The following RAD51AP1 variants were observed in gnomAD, a reference collection of about 807,000 sequenced individuals.
RAD51AP1 encodes RAD51 associated protein 1, also known as RAD51-associated protein 1.
A neutral mutation model predicts 34.3 loss-of-function variants in RAD51AP1; 14 were observed. The ratio of observed to expected loss-of-function variants is 0.41; its 90% CI spans 0.27 to 0.64. The LOEUF (loss-of-function observed/expected upper bound fraction) is 0.64, where lower values mean the gene tolerates loss of function less well. RAD51AP1 is among the 30% of genes least tolerant of loss of function. The pLI is 0.33. For missense variants in RAD51AP1, 348 were observed against 386.9 expected (o/e 0.90, Z 0.84); for synonymous variants, 114 against 129.8 (o/e 0.88, Z 0.83).
In RAD51AP1 at chr12:4,553,106, A is replaced by G. The variant is rs770788102; in HGVS notation, c.680A>G (p.Glu227Gly). The change falls in exon 7 of 9, where the codon GAA (glutamate) becomes GGA (glycine). Residue 227 changes from glutamate to glycine, a missense_variant. By Grantham distance (98) the Glu-to-Gly change is moderately conservative (BLOSUM62 -2). Transcript: ENST00000352618. ...GAAGTGAAGGTAAAATCCCCAGTAGAAAAGAAAGAGAAGAAATCTAAATCC... is the reference window on the plus strand; with the variant it reads ...GAAGTGAAGGTAAAATCCCCAGTAGGAAAGAAAGAGAAGAAATCTAAATCC... The part of the protein sequence containing the change: ...KKEVKVKSPV[E>G]KKEKKSKSKC... The G allele has an allele frequency of 6.3e-7, 1 of 1,593,220 alleles. No individual in the cohort carries two copies. Among genetic ancestry groups the G allele is most frequent in the Non-Finnish European group, 8.5e-7 (1 of 1,170,628 alleles).
chr12:4,555,374 C>T (rs1458420977), intron 7 of RAD51AP1, among the ~76,000 whole-genome samples: 1 of 152,128 alleles, frequency 6.6e-6, no homozygotes, highest in African/African-American at 2.4e-5. Context: ...TATTCTCCAC[C>T]TTAGCAGGCC....
At chr12:4,553,638 C>CT (rs71984552) in intron 7 of RAD51AP1, among the ~76,000 whole-genome samples, 218 of 143,772 alleles carry the variant, frequency 1.5e-3, no homozygotes, top group South Asian at 3.6e-3. Context: ...GTTTAGGGCC[C>CT]TTTTTTTTTT....
At chr12:4,553,227 T>C in intron 7 of RAD51AP1, 80 bp downstream of exon 7, 2 of 1,250,374 alleles carry the variant, frequency 1.6e-6, no homozygotes, top group Non-Finnish European at 2.2e-6. Flanking sequence ...TTTTTGCCTT[T>C]GTTCTCTTTA....
rs61752091 is a variant in RAD51AP1 at position 4,553,054 on chromosome 12, A to T, written c.628A>T (p.Ser210Cys). 2.7e-4 allele frequency: 435 copies of T among 1,606,938 alleles called. 1 individual carries two copies. In the African/African-American group the frequency reaches 5.2e-3, roughly 19 times the overall value. ...TGACGAAGACTTCTCTATGAGAAAA[A>T]GTAAAGTTAAAGAAATTAAAAAGAA... ...DNDEDFSMRK[S>C]KVKEIKKKEV... The change falls in exon 7 of 9, where the codon AGT becomes TGT. Residue 210 changes from serine to cysteine, a missense_variant. Coordinates refer to ENST00000352618, the MANE Select transcript of RAD51AP1 (RefSeq NM_006479.5).
chr12:4,543,887 G>C lies in RAD51AP1; in HGVS notation c.192G>C (p.Glu64Asp). ...GGAAAGAAGAAATCCCAGTACAAGA[G>C]AAAACCCCTAAAAAAAGGTGAGAGG... Reference protein sequence around the residue: ...NLRKEEIPVQEKTPKKRMALD... With the variant: ...NLRKEEIPVQDKTPKKRMALD... Residue 64 changes from glutamate (E) to aspartate (D), a missense_variant, in exon 3 of 9, where the codon GAG becomes GAC. By Grantham distance (45) the Glu-to-Asp change is conservative. Transcript: ENST00000352618. 1 of 1,608,960 alleles carries C rather than the reference G, an allele frequency of 6.2e-7. No homozygotes were observed. Among genetic ancestry groups the C allele is most frequent in the Non-Finnish European group, 8.5e-7 (1 of 1,178,000 alleles).
At chr12:4,557,776 A>C (rs1944592556) in intron 8 of RAD51AP1, among the ~76,000 whole-genome samples, 1 of 152,206 alleles carries the variant, frequency 6.6e-6, no homozygotes, top group Non-Finnish European at 1.5e-5. Flanking sequence ...AATTGGGCCC[A>C]TGCAGTAGAC....
At chr12:4,555,986 G>A (rs1437542851) in intron 7 of RAD51AP1, among the ~76,000 whole-genome samples, 2 of 152,192 alleles carry the variant, frequency 1.3e-5, no homozygotes, top group African/African-American at 4.8e-5. Flanking sequence ...ACACTATTGT[G>A]TAATGGTTAG....
chr12:4,558,092 G>C (rs1944595253), intron 8 of RAD51AP1, among the ~76,000 whole-genome samples: 1 of 151,522 alleles, frequency 6.6e-6, no homozygotes, highest in Non-Finnish European at 1.5e-5. Flanking sequence ...AGACCACCAA[G>C]ACCCCAAAAG....
Position 4,556,322 on chromosome 12 carries a change from C to T in RAD51AP1, c.722-31C>T. The T allele has an allele frequency of 1.9e-6, 3 of 1,547,884 alleles. No individual in the cohort carries two copies. The East Asian group carries it at 6.7e-5, about 35-fold the overall frequency. On this transcript the variant is annotated intron_variant, in intron 7 of 8. Coordinates refer to ENST00000352618, the MANE Select transcript of RAD51AP1 (RefSeq NM_006479.5). ...AGACTTACTTTTTCTTCCTGCATGA[C>T]AAACATTTTTACGTATATTTTTCAA...
At chr12:4,549,556 C>CAT (rs1315944782) in intron 6 of RAD51AP1, among the ~76,000 whole-genome samples, 2 of 151,966 alleles carry the variant, frequency 1.3e-5, no homozygotes, top group Non-Finnish European at 2.9e-5. Flanking sequence ...GTGAAAAAAA[C>CAT]AAACAGCTCC....
intron 8 of RAD51AP1, 174 bp downstream of exon 8, chr12:4,556,676 C>G (rs552653953): frequency 1.5e-6 from 1 of 673,202 alleles, no homozygotes; most frequent in East Asian, 2.8e-5. Context: ...TATTATTGGA[C>G]ATCCAGGTTT....
At chr12:4,541,680 G>C (rs1202572175) in intron 1 of RAD51AP1, among the ~76,000 whole-genome samples, 1 of 151,924 alleles carries the variant, frequency 6.6e-6, no homozygotes, top group African/African-American at 2.4e-5. Flanking sequence ...ATGTTTTAGA[G>C]TTAAATATTC....
chr12:4,548,222 TTC>T, intron 5 of RAD51AP1, 44 bp downstream of exon 5: 1 of 1,574,562 alleles, frequency 6.4e-7, no homozygotes, highest in African/African-American at 1.4e-5. Flanking sequence ...ACAATGCTGT[TTC>T]TCTGACTTTT....
Position 4,558,903 on chromosome 12 carries a change from G to A in RAD51AP1, c.918G>A (p.Val306=), listed in dbSNP as rs1944601544. The A allele has an allele frequency of 6.2e-7, 1 of 1,614,026 alleles. No homozygotes were observed. The highest frequency in any genetic ancestry group is 1.3e-5 in the African/African-American group (1 of 74,936). Residue 306 remains valine (V), a synonymous_variant, in exon 9 of 9, where the codon GTG becomes GTA. Coordinates refer to ENST00000352618, the MANE Select transcript of RAD51AP1 (RefSeq NM_006479.5). ...SRSSSSPLVV[V]SVKSPNQSLR... Reference sequence around the variant, plus strand: ...GTAGCAGCAGCCCACTGGTGGTAGTGTCTGTGAAGTCTCCCAATCAGAGTC... The same window carrying A: ...GTAGCAGCAGCCCACTGGTGGTAGTATCTGTGAAGTCTCCCAATCAGAGTC...
intron 1 of RAD51AP1, among the ~76,000 whole-genome samples, chr12:4,539,399 A>G (rs1944437452): frequency 6.6e-6 from 1 of 152,214 alleles, no homozygotes; most frequent in African/African-American, 2.4e-5. Flanking sequence ...CATCTCACTC[A>G]AGATCCTCTG....
At chr12:4,541,997 A>G in intron 2 of RAD51AP1, 64 bp downstream of exon 2, 1 of 1,108,802 alleles carries the variant, frequency 9.0e-7, no homozygotes, top group Non-Finnish European at 1.3e-6. Context: ...AATTTATATG[A>G]CATATATAGC....
intron 7 of RAD51AP1, among the ~76,000 whole-genome samples, chr12:4,554,184 G>T (rs547953551): frequency 6.6e-6 from 1 of 152,266 alleles, no homozygotes; most frequent in Admixed American, 6.5e-5. Context: ...GACAAACCAC[G>T]TTCTTGTCTT....
chr12:4,545,762 CCCT>C, intron 3 of RAD51AP1: 1 of 1,608,250 alleles, frequency 6.2e-7, no homozygotes, highest in South Asian at 1.1e-5. Flanking sequence ...TGTTTCCCCA[CCCT>C]CCTCCTTTAA....
chr12:4,548,803 A>G lies in RAD51AP1; in HGVS notation c.523A>G (p.Ser175Gly). 9 of 1,614,116 alleles carry G rather than the reference A, an allele frequency of 5.6e-6. No homozygotes were observed. Among genetic ancestry groups the G allele is most frequent in the Non-Finnish European group, 7.6e-6 (9 of 1,179,960 alleles). The change falls in exon 6 of 9, where the codon AGT (serine) becomes GGT (glycine). Residue 175 changes from serine (S) to glycine (G), a missense_variant. Ser to Gly is a moderately conservative substitution (Grantham distance 56). Coordinates refer to ENST00000352618, the MANE Select transcript of RAD51AP1 (RefSeq NM_006479.5). ...KILLEGSDGD[S>G]ANDTEPDFAP... is the part of the protein sequence containing the mutation. ...TCTTCTGGAAGGCAGTGATGGTGATAGTGCTAATGACACTGAACCAGACTT... is the reference window on the plus strand; with the variant it reads ...TCTTCTGGAAGGCAGTGATGGTGATGGTGCTAATGACACTGAACCAGACTT...
Sources: allele counts gnomAD v4.1 joint callset (sites outside exome capture counted in the v4.1 genomes callset), GRCh38; gene constraint gnomAD v4.1.1; transcripts MANE v1.5; gene names NCBI Gene and HGNC (gene_info 2026-07-23, HGNC 2026-07-21).